Variants in SERGEF observed in about 807,000 individuals in gnomAD.
SERGEF encodes the protein secretion-regulating guanine nucleotide exchange factor.
A neutral mutation model predicts 50.0 loss-of-function variants in SERGEF; 51 were observed. The observed-to-expected ratio is 1.02, with a 90% CI of 0.81 to 1.29. The LOEUF (loss-of-function observed/expected upper bound fraction) is 1.29, where lower values mean the gene tolerates loss of function less well. Among genes scored for constraint, SERGEF ranks in the 50% most tolerant of loss-of-function variants. The pLI is 0.00. For synonymous variants in SERGEF, 205 were observed against 212.4 expected (o/e 0.97, Z 0.30); for missense variants, 521 against 557.0 (o/e 0.94, Z 0.65).
At chr11:17,823,199 T>C (rs570286025) in intron 10 of SERGEF, among the ~76,000 whole-genome samples, 411 of 152,352 alleles carry the variant, frequency 2.7e-3, no homozygotes, top group African/African-American at 9.3e-3. Context: ...GTTTTTCTGA[T>C]GTTTTACTCA....
intron 9 of SERGEF, among the ~76,000 whole-genome samples, chr11:17,949,687 C>T (rs1328367460): frequency 1.3e-5 from 2 of 152,056 alleles, no homozygotes; most frequent in Non-Finnish European, 2.9e-5. Flanking sequence ...CAGAGCCAGG[C>T]CACCAACAGC....
At chr11:17,892,796 C>G (rs1851557476) in intron 9 of SERGEF, among the ~76,000 whole-genome samples, 1 of 152,098 alleles carries the variant, frequency 6.6e-6, no homozygotes, top group Admixed American at 6.5e-5. Context: ...CTACAGGAAA[C>G]CATGGAGCAT....
chr11:17,841,781 C>T (rs1306686887), intron 10 of SERGEF, among the ~76,000 whole-genome samples: 3 of 152,206 alleles, frequency 2.0e-5, no homozygotes, highest in Admixed American at 2.0e-4. Context: ...AGCCTTTTCT[C>T]TGTACTCAAA....
chr11:17,820,000 G>A (rs1285629928), intron 10 of SERGEF, among the ~76,000 whole-genome samples: 3 of 152,036 alleles, frequency 2.0e-5, no homozygotes, highest in Non-Finnish European at 4.4e-5. Context: ...ACCACACTTG[G>A]CTAATTAAAA....
At chr11:17,873,422 C>T (rs1020054164) in intron 10 of SERGEF, among the ~76,000 whole-genome samples, 1 of 151,992 alleles carries the variant, frequency 6.6e-6, no homozygotes, top group Admixed American at 6.6e-5. Context: ...TCTACAAGGC[C>T]CTAGGGTTTG....
At chr11:17,949,101 T>G (rs1852724047) in intron 9 of SERGEF, among the ~76,000 whole-genome samples, 1 of 152,134 alleles carries the variant, frequency 6.6e-6, no homozygotes, top group African/African-American at 2.4e-5. Context: ...CTTGGGGGTC[T>G]AAAGGCTGCA....
chr11:17,946,161 G>C (rs1414402743), intron 9 of SERGEF, among the ~76,000 whole-genome samples: 1 of 152,158 alleles, frequency 6.6e-6, no homozygotes, highest in Non-Finnish European at 1.5e-5. Flanking sequence ...CTGGTCCTAG[G>C]TCCCACAGGG....
intron 6 of SERGEF, among the ~76,000 whole-genome samples, chr11:17,994,554 T>G (rs999343227): frequency 6.8e-6 from 1 of 147,656 alleles, no homozygotes; most frequent in South Asian, 2.2e-4. Context: ...CGGGCAGAGG[T>G]AACAGTTTTC....
At chr11:17,805,083 T>C (rs1849733355) in intron 10 of SERGEF, among the ~76,000 whole-genome samples, 1 of 152,226 alleles carries the variant, frequency 6.6e-6, no homozygotes, top group Non-Finnish European at 1.5e-5. Context: ...ACTCTTTATC[T>C]AACAGTTTAA....
At chr11:17,856,486 G>A (rs1221897396) in intron 10 of SERGEF, 3 of 152,128 alleles carry the variant, frequency 2.0e-5, no homozygotes, top group Non-Finnish European at 4.4e-5. Flanking sequence ...CCTTTTGGCA[G>A]CCAAAAGAGA....
At chr11:17,999,437 A>C (rs1350630048) in intron 5 of SERGEF, 1 of 296,672 alleles carries the variant, frequency 3.4e-6, no homozygotes, top group African/African-American at 2.2e-5. Context: ...TTTTTGAAGT[A>C]TAATCAATGC....
At chr11:17,935,925 G>A (rs1464550010) in intron 9 of SERGEF, among the ~76,000 whole-genome samples, 3 of 152,164 alleles carry the variant, frequency 2.0e-5, no homozygotes, top group Admixed American at 6.6e-5. Flanking sequence ...AGCAGGATTA[G>A]AGGTTACAAT....
chr11:17,876,406 T>C (rs1851235944), intron 10 of SERGEF, among the ~76,000 whole-genome samples: 2 of 152,180 alleles, frequency 1.3e-5, no homozygotes, highest in South Asian at 4.1e-4. Context: ...AATATTTCAC[T>C]AGAACAGTTA....
chr11:17,892,251 G>C lies in SERGEF; in HGVS notation c.1012-14007C>G, dbSNP rs113452383. Among the ~76,000 whole-genome samples the C allele has an allele frequency of 8.3e-3, 1,261 of 152,230 alleles. 20 individuals are homozygous for C. The highest frequency in any genetic ancestry group is 0.029 in the African/African-American group (1,198 of 41,532). On this transcript the variant is annotated intron_variant, in intron 9 of 10. Coordinates refer to ENST00000265965, the MANE Select transcript of SERGEF (RefSeq NM_012139.4). ...CCATTCAGAGACAGTTTACCAGCCCGTCATCCTTTGGCTTTGGACTCAGCC... is the reference window on the plus strand; with the variant it reads ...CCATTCAGAGACAGTTTACCAGCCCCTCATCCTTTGGCTTTGGACTCAGCC...
chr11:17,917,105 A>T (rs768730506), intron 9 of SERGEF, among the ~76,000 whole-genome samples: 5 of 152,248 alleles, frequency 3.3e-5, no homozygotes, highest in Non-Finnish European at 7.3e-5. Context: ...TACAAAAAAG[A>T]TACTTGCACA....
Position 17,812,640 on chromosome 11 carries a change from G to A in SERGEF, c.1049-24227C>T, listed in dbSNP as rs542072070. On this transcript the variant is annotated intron_variant, in intron 10 of 10. Coordinates refer to ENST00000265965, the MANE Select transcript of SERGEF (RefSeq NM_012139.4). Reference sequence around the variant, plus strand: ...GCTTCATCCTTCAGGGCTCAGCTGTGTTTGCCTTCATCTCTCCAGGATGAC... The same window carrying A: ...GCTTCATCCTTCAGGGCTCAGCTGTATTTGCCTTCATCTCTCCAGGATGAC... Among the ~76,000 whole-genome samples the A allele has an allele frequency of 2.0e-5, 3 of 152,266 alleles. No individual in the cohort carries two copies. In the East Asian group the frequency reaches 5.8e-4, roughly 29 times the overall value.
intron 10 of SERGEF, among the ~76,000 whole-genome samples, chr11:17,867,818 G>A (rs1225152030): frequency 2.0e-5 from 3 of 152,232 alleles, no homozygotes; most frequent in Admixed American, 6.5e-5. Context: ...TCGACACCAT[G>A]TGGAAGCTGC....
At chr11:17,903,400 A>C (rs1207574660) in intron 9 of SERGEF, among the ~76,000 whole-genome samples, 2 of 152,236 alleles carry the variant, frequency 1.3e-5, no homozygotes, top group Admixed American at 1.3e-4. Context: ...GAAGATAATT[A>C]ATCTTCAAGG....
At chr11:17,964,348 A>G (rs988038637) in intron 8 of SERGEF, among the ~76,000 whole-genome samples, 21 of 152,064 alleles carry the variant, frequency 1.4e-4, no homozygotes, top group Admixed American at 2.6e-4. Flanking sequence ...TTTACCATCC[A>G]TCAAGGGCTG....
Sources: allele counts gnomAD v4.1 joint callset (sites outside exome capture counted in the v4.1 genomes callset), GRCh38; gene constraint gnomAD v4.1.1; transcripts MANE v1.5; gene names NCBI Gene and HGNC (gene_info 2026-07-23, HGNC 2026-07-21).